Variants in SEC63 observed in about 807,000 individuals in gnomAD.
SEC63 encodes translocation protein SEC63 homolog.
In SEC63, 56 loss-of-function variants were observed where a neutral mutation model predicts 116.2. That is an observed-to-expected ratio of 0.48 (90% CI 0.39 to 0.60). SEC63 has a LOEUF of 0.60. SEC63 is among the 20% of genes least tolerant of loss of function. SEC63 has a pLI of 0.00. For synonymous variants in SEC63, 273 were observed against 294.6 expected (o/e 0.93, Z 0.75); for missense variants, 668 against 900.0 (o/e 0.74, Z 3.30).
chr6:107,936,225 C>T (rs1367156473), intron 1 of SEC63, among the ~76,000 whole-genome samples: 1 of 152,194 alleles, frequency 6.6e-6, no homozygotes, highest in Non-Finnish European at 1.5e-5. Context: ...TTGTATGCCC[C>T]ACTCTTCCAA....
At position 107,893,485 on chromosome 6, in the gene SEC63, C is replaced by T; in HGVS notation, c.1671G>A (p.Gly557=). The T allele has an allele frequency of 6.2e-7, 1 of 1,612,122 alleles. No homozygotes were observed. The highest frequency in any genetic ancestry group is 8.5e-7 in the Non-Finnish European group (1 of 1,179,312). ...QKQKQANGVV[G]NEAAVKEDEE... ...ATAACGATAATAATAAACTTACATT[C>T]CCAACGACTCCATTTGCCTGCTTTT... Residue 557 remains glycine, a synonymous_variant, in exon 16 of 21, where the codon GGG becomes GGA. Coordinates refer to ENST00000369002, the MANE Select transcript of SEC63 (RefSeq NM_007214.5).
At position 107,881,191 on chromosome 6, in the gene SEC63, T is replaced by C. The variant is rs781164174; in HGVS notation, c.1893A>G (p.Lys631=). ...TATACACAGGATGTGTTATTTTTGA[T>C]TTGGTTTCCAATAGAGCTCTCTCTT... ...QRKERALLET[K]SKITHPVYSL... The change falls in exon 18 of 21, where the codon AAA becomes AAG. Residue 631 remains lysine, a synonymous_variant. Transcript: ENST00000369002. The C allele has an allele frequency of 6.2e-7, 1 of 1,613,214 alleles. No homozygotes were observed. Among genetic ancestry groups the C allele is most frequent in the Admixed American group, 1.7e-5 (1 of 60,010 alleles).
In SEC63 at chr6:107,876,673, A is replaced by AAC; in HGVS notation, c.1936-12_1936-11insGT. ...CCATTCTTGTTTTTCCTGGAAACAA[A>AAC]AAAAAAAAAAAAAAAAGAAGAGGGG... On this transcript the variant is annotated splice_polypyrimidine_tract_variant and intron_variant, in intron 18 of 20. Transcript: ENST00000369002. 2.4e-6 allele frequency: 3 copies of AAC among 1,269,236 alleles called. No homozygotes were observed. The highest frequency in any genetic ancestry group is 3.2e-6 in the Non-Finnish European group (3 of 925,546). 78.6% of individuals were successfully genotyped at this position (1,269,236 alleles called of 1,614,324 possible). A position where few individuals can be genotyped will look rare whatever the true frequency, so the allele number is the denominator to read the frequency against.
intron 1 of SEC63, among the ~76,000 whole-genome samples, chr6:107,951,183 T>G (rs943326168): frequency 2.6e-5 from 4 of 152,220 alleles, no homozygotes; most frequent in Admixed American, 2.0e-4. Flanking sequence ...AGCACAGTAT[T>G]GTTGGCAATA....
chr6:107,953,434 G>A (rs980609676), intron 1 of SEC63, among the ~76,000 whole-genome samples: 1 of 151,542 alleles, frequency 6.6e-6, no homozygotes, highest in African/African-American at 2.4e-5. Context: ...GCCCCGTCCG[G>A]GAGGTGAGGG....
intron 16 of SEC63, among the ~76,000 whole-genome samples, chr6:107,892,000 A>G (rs1445638713): frequency 1.3e-5 from 2 of 152,124 alleles, no homozygotes; most frequent in African/African-American, 2.4e-5. Flanking sequence ...CTTGTGGGAG[A>G]TGTCTCCCAG....
intron 13 of SEC63, 81 bp from the exon 14 acceptor site, chr6:107,897,812 C>G: frequency 1.1e-6 from 1 of 921,872 alleles, no homozygotes; most frequent in Non-Finnish European, 1.8e-6. Flanking sequence ...TTAGCTTACC[C>G]AAATTAGTTT....
intron 16 of SEC63, among the ~76,000 whole-genome samples, chr6:107,888,383 GCT>G (rs1288165945): frequency 9.2e-5 from 14 of 152,078 alleles, no homozygotes; most frequent in Admixed American, 7.2e-4. Flanking sequence ...TCATGATTTG[GCT>G]CTCTGTTTGT....
chr6:107,943,551 C>CA (rs1770419978), intron 1 of SEC63, among the ~76,000 whole-genome samples: 2 of 152,248 alleles, frequency 1.3e-5, no homozygotes, highest in Middle Eastern at 3.4e-3. Context: ...CTACATAGTT[C>CA]AAACCCATGT....
At chr6:107,912,291 TA>T (rs1787299329) in intron 6 of SEC63, among the ~76,000 whole-genome samples, 1 of 152,182 alleles carries the variant, frequency 6.6e-6, no homozygotes, top group Non-Finnish European at 1.5e-5. Context: ...TATTGTAAAT[TA>T]AAATTAGGCA....
intron 4 of SEC63, among the ~76,000 whole-genome samples, chr6:107,918,714 AAAAG>A (rs2114471095): frequency 6.6e-6 from 1 of 151,750 alleles, no homozygotes; most frequent in East Asian, 1.9e-4. Flanking sequence ...ACAAAAAACA[AAAAG>A]AAGACATACA....
chr6:107,932,559 T>A (rs925357051), intron 1 of SEC63, among the ~76,000 whole-genome samples: 3 of 152,066 alleles, frequency 2.0e-5, no homozygotes, highest in African/African-American at 7.2e-5. Context: ...ACTGAATAAG[T>A]TAATATATTA....
At chr6:107,944,033 G>A (rs1770429477) in intron 1 of SEC63, among the ~76,000 whole-genome samples, 1 of 152,212 alleles carries the variant, frequency 6.6e-6, no homozygotes, top group African/African-American at 2.4e-5. Context: ...GGACAGTGGT[G>A]TTGGTGGAGT....
At chr6:107,953,445 G>A in intron 1 of SEC63, among the ~76,000 whole-genome samples, 1 of 151,064 alleles carries the variant, frequency 6.6e-6, no homozygotes, top group East Asian at 2.0e-4. Context: ...GAGGTGAGGG[G>A]CACCTCTGCC....
chr6:107,877,507 C>T (rs1382391837), intron 18 of SEC63: 1 of 151,732 alleles, frequency 6.6e-6, no homozygotes, highest in Non-Finnish European at 1.5e-5. Context: ...GGCACCATCT[C>T]AGCTCACCTC....
intron 1 of SEC63, among the ~76,000 whole-genome samples, chr6:107,935,135 C>G (rs1228543607): frequency 1.4e-5 from 2 of 142,422 alleles, no homozygotes; most frequent in African/African-American, 5.2e-5. Context: ...GTCAGCCCCC[C>G]GCCCAGCCAG....
chr6:107,896,426 A>G (rs1428888309), intron 14 of SEC63, among the ~76,000 whole-genome samples: 1 of 152,194 alleles, frequency 6.6e-6, no homozygotes, highest in East Asian at 1.9e-4. Flanking sequence ...AGATTGCACC[A>G]CTGCATTCCA....
chr6:107,951,860 A>C lies in SEC63; in HGVS notation c.124+6026T>G, dbSNP rs192605527. 7.0e-4 allele frequency among the ~76,000 whole-genome samples: 107 copies of C among 151,882 alleles called. No individual in the cohort carries two copies. In the East Asian group the frequency reaches 8.3e-3, roughly 12 times the overall value. ...TGGTGGTGGGCGCCTGTGGTCCCAGATACTCGGGAGGCTGAGGCAGGAGAA... is the reference window on the plus strand; with the variant it reads ...TGGTGGTGGGCGCCTGTGGTCCCAGCTACTCGGGAGGCTGAGGCAGGAGAA... On this transcript the variant is annotated intron_variant, in intron 1 of 20. Coordinates refer to ENST00000369002, the MANE Select transcript of SEC63 (RefSeq NM_007214.5).
chr6:107,942,513 A>G (rs1479555477), intron 1 of SEC63, among the ~76,000 whole-genome samples: 2 of 152,194 alleles, frequency 1.3e-5, no homozygotes, highest in Admixed American at 1.3e-4. Flanking sequence ...TTTTCTGGAC[A>G]CTGAGGATAT....
Sources: allele counts gnomAD v4.1 joint callset (sites outside exome capture counted in the v4.1 genomes callset), GRCh38; gene constraint gnomAD v4.1.1; transcripts MANE v1.5; gene names NCBI Gene and HGNC (gene_info 2026-07-23, HGNC 2026-07-21).